The following KIAA1217 variants were observed in gnomAD, a reference collection of about 807,000 sequenced individuals.
KIAA1217 encodes the protein sickle tail protein homolog.
A neutral mutation model predicts 163.9 loss-of-function variants in KIAA1217; 88 were observed. The observed-to-expected ratio is 0.54, with a 90% CI of 0.45 to 0.64. The LOEUF (loss-of-function observed/expected upper bound fraction) is 0.64, where lower values mean the gene tolerates loss of function less well. Among genes scored for constraint, KIAA1217 ranks in the 30% least tolerant of loss-of-function variants. The pLI is 0.00. For synonymous variants in KIAA1217, 903 were observed against 923.1 expected, an observed-to-expected ratio of 0.98 and a Z score of 0.39; for missense variants, 2,372 against 2,475.0, an observed-to-expected ratio of 0.96 and a Z score of 0.88.
chr10:23,799,479 T>C (rs1391249856), intron 1 of KIAA1217, among the ~76,000 whole-genome samples: 1 of 152,222 alleles, frequency 6.6e-6, no homozygotes, highest in Non-Finnish European at 1.5e-5. Context: ...GCCTATTTCT[T>C]TCCATTTTCC....
chr10:24,209,798 G>A (rs915633730), intron 1 of KIAA1217, among the ~76,000 whole-genome samples: 3 of 152,238 alleles, frequency 2.0e-5, no homozygotes, highest in Non-Finnish European at 2.9e-5. Context: ...GTGATAGATA[G>A]AACTCTGGAT....
intron 1 of KIAA1217, among the ~76,000 whole-genome samples, chr10:23,713,429 A>G (rs1405950865): frequency 6.6e-6 from 1 of 152,154 alleles, no homozygotes; most frequent in Admixed American, 6.6e-5. Flanking sequence ...TAGGCAGACT[A>G]TCATGGACCA....
chr10:24,359,268 T>G (rs2049618587), intron 2 of KIAA1217, among the ~76,000 whole-genome samples: 1 of 151,936 alleles, frequency 6.6e-6, no homozygotes. Flanking sequence ...TTTTTGTGTG[T>G]TTTTTGTAAA....
intron 2 of KIAA1217, among the ~76,000 whole-genome samples, chr10:24,295,182 AT>A: frequency 6.6e-6 from 1 of 152,360 alleles, no homozygotes; most frequent in East Asian, 1.9e-4. Flanking sequence ...GAGAACTTAT[AT>A]CTTAAGTCTC....
At chr10:24,466,547 C>T (rs2062963513) in intron 5 of KIAA1217, 2 of 985,352 alleles carry the variant, frequency 2.0e-6, no homozygotes, top group Non-Finnish European at 1.2e-6. Flanking sequence ...GTGTCAGCTT[C>T]TCTCCGAAAA....
intron 2 of KIAA1217, among the ~76,000 whole-genome samples, chr10:24,326,355 C>T (rs1391378486): frequency 6.6e-6 from 1 of 152,016 alleles, no homozygotes; most frequent in African/African-American, 2.4e-5. Flanking sequence ...TTGTCCCCCT[C>T]ACCCTGGAAG....
At chr10:23,873,321 A>G (rs955418049) in intron 1 of KIAA1217, among the ~76,000 whole-genome samples, 3 of 152,084 alleles carry the variant, frequency 2.0e-5, no homozygotes, top group Non-Finnish European at 4.4e-5. Context: ...TATCATTAAT[A>G]TTCTTTACCA....
chr10:24,111,830 T>C (rs1242346363), intron 2 of KIAA1217, among the ~76,000 whole-genome samples: 5 of 152,202 alleles, frequency 3.3e-5, no homozygotes, highest in Non-Finnish European at 7.3e-5. Flanking sequence ...TGCAGTGGTG[T>C]GAACACAGTT....
intron 1 of KIAA1217, among the ~76,000 whole-genome samples, chr10:23,893,977 A>G (rs1841548569): frequency 6.6e-6 from 1 of 152,094 alleles, no homozygotes; most frequent in Non-Finnish European, 1.5e-5. Context: ...TTAGGTATTG[A>G]TGGGATGTAT....
intron 1 of KIAA1217, among the ~76,000 whole-genome samples, chr10:23,778,336 T>C (rs1393549249): frequency 6.6e-6 from 1 of 152,236 alleles, no homozygotes; most frequent in Admixed American, 6.5e-5. Context: ...CATTTCTTTT[T>C]AGTATCATTA....
intron 2 of KIAA1217, among the ~76,000 whole-genome samples, chr10:24,120,342 G>A (rs780052177): frequency 1.3e-5 from 2 of 152,160 alleles, no homozygotes; most frequent in Non-Finnish European, 1.5e-5. Context: ...ACCCACCCTT[G>A]GGAGACGGGG....
At chr10:24,368,947 T>C in intron 2 of KIAA1217, 2 of 788,700 alleles carry the variant, frequency 2.5e-6, no homozygotes, top group Non-Finnish European at 3.1e-6. Flanking sequence ...ATATTCTGAT[T>C]ATTTTATAAA....
rs545731307 is a variant in KIAA1217 at position 23,756,488 on chromosome 10, A to G, written c.-321+61254A>G. 2.0e-5 allele frequency among the ~76,000 whole-genome samples: 3 copies of G among 152,284 alleles called. No homozygotes were observed. In the South Asian group the frequency reaches 6.2e-4, roughly 32 times the overall value. Reference sequence around the variant, plus strand: ...GTTATAATTTTCCAATTCATGTAATATTGCACTTTCTCCATTTCTCCAAAC... The same window carrying G: ...GTTATAATTTTCCAATTCATGTAATGTTGCACTTTCTCCATTTCTCCAAAC... On this transcript the variant is annotated intron_variant, in intron 1 of 18. Coordinates refer to the KIAA1217 transcript ENST00000376462.
At chr10:24,007,332 C>T (rs925334513) in exon 2 of KIAA1217, 5 of 152,200 alleles carry the variant, frequency 3.3e-5, no homozygotes, top group Non-Finnish European at 7.3e-5. Flanking sequence ...GACTGCATTA[C>T]TTCTCCATGG....
chr10:24,073,639 A>G (rs2061267479), intron 2 of KIAA1217, among the ~76,000 whole-genome samples: 2 of 152,172 alleles, frequency 1.3e-5, no homozygotes, highest in Admixed American at 1.3e-4. Flanking sequence ...GCAACTTATG[A>G]TACAGGAATT....
At chr10:23,763,392 A>G (rs1022402251) in intron 1 of KIAA1217, among the ~76,000 whole-genome samples, 1 of 152,246 alleles carries the variant, frequency 6.6e-6, no homozygotes, top group Non-Finnish European at 1.5e-5. Context: ...CCAAAACAGC[A>G]TGGTACTGGT....
At chr10:24,444,300 C>T (rs1241317809) in intron 5 of KIAA1217, among the ~76,000 whole-genome samples, 1 of 152,190 alleles carries the variant, frequency 6.6e-6, no homozygotes, top group African/African-American at 2.4e-5. Flanking sequence ...GCGTGAGCCA[C>T]CATGCCCAGC....
intron 3 of KIAA1217, among the ~76,000 whole-genome samples, chr10:24,404,434 G>A (rs1441112356): frequency 2.0e-5 from 3 of 152,026 alleles, no homozygotes; most frequent in East Asian, 3.9e-4. Context: ...AGGCATGGTG[G>A]TGTGTGCCTA....
intron 2 of KIAA1217, among the ~76,000 whole-genome samples, chr10:24,347,674 G>T (rs1322604321): frequency 6.6e-6 from 1 of 152,088 alleles, no homozygotes; most frequent in Non-Finnish European, 1.5e-5. Context: ...GGATAAAAAA[G>T]GGAGTACTAA....
Sources: gnomAD v4.1 joint callset for allele counts (sites outside exome capture counted in the v4.1 genomes callset) on GRCh38, gnomAD v4.1.1 for gene constraint, MANE v1.5 for transcripts, NCBI Gene and HGNC (gene_info 2026-07-23, HGNC 2026-07-21) for gene names.